The following ZNF567 variants were observed in gnomAD, a reference collection of about 807,000 sequenced individuals.
ZNF567 encodes zinc finger protein 567.
Under a neutral mutation model 53.9 loss-of-function variants are expected in ZNF567, and 36 were observed. That is an observed-to-expected ratio of 0.67 (90% CI 0.51 to 0.88). The LOEUF is 0.88. ZNF567 is among the 40% of genes least tolerant of loss of function. The pLI, the probability that ZNF567 is intolerant of heterozygous loss-of-function variation, is 0.00. For synonymous variants in ZNF567, 224 were observed against 260.4 expected (o/e 0.86, Z 1.35); for missense variants, 619 against 764.7 (o/e 0.81, Z 2.25).
At chr19:36,713,809 C>G (rs144960218) in intron 5 of ZNF567, among the ~76,000 whole-genome samples, 1,933 of 152,286 alleles carry the variant, frequency 0.013, 22 homozygotes, top group Non-Finnish European at 0.02. Flanking sequence ...GTGGCACATG[C>G]CTGTAATCCC....
chr19:36,692,719 TG>T (rs1440729025), intron 2 of ZNF567, among the ~76,000 whole-genome samples: 4 of 152,188 alleles, frequency 2.6e-5, no homozygotes, highest in African/African-American at 9.7e-5. Flanking sequence ...TTATGGAAGA[TG>T]TGACCATTGT....
chr19:36,686,401 C>T (rs1383911811), upstream of ZNF567: 1 of 152,186 alleles, frequency 6.6e-6, no homozygotes, highest in African/African-American at 2.4e-5. Flanking sequence ...ACCACACGAG[C>T]TCTCATCATC....
upstream of ZNF567, among the ~76,000 whole-genome samples, chr19:36,682,642 C>T (rs2145471522): frequency 1.4e-5 from 2 of 147,314 alleles, no homozygotes; most frequent in Middle Eastern, 7.5e-3. Context: ...GAGTCTCACT[C>T]TGCCGCCCAA....
At chr19:36,708,168 G>A (rs903345982) in intron 3 of ZNF567, among the ~76,000 whole-genome samples, 4 of 152,182 alleles carry the variant, frequency 2.6e-5, no homozygotes, top group African/African-American at 9.7e-5. Context: ...GGAATTACTG[G>A]CATGAGCCAC....
intron 3 of ZNF567, among the ~76,000 whole-genome samples, chr19:36,705,175 G>A (rs1352689924): frequency 1.3e-5 from 2 of 152,004 alleles, no homozygotes; most frequent in African/African-American, 4.8e-5. Context: ...ATTTCTTCTA[G>A]TATTTTTGTT....
At chr19:36,667,281 G>T in the ZNF567 span, among the ~76,000 whole-genome samples, 1 of 151,374 alleles carries the variant, frequency 6.6e-6, no homozygotes, top group Non-Finnish European at 1.5e-5. Context: ...GGTGGCTCAC[G>T]CCAAGGCGGG....
chr19:36,696,926 T>G (rs2038917924), intron 3 of ZNF567, among the ~76,000 whole-genome samples: 1 of 152,196 alleles, frequency 6.6e-6, no homozygotes, highest in African/African-American at 2.4e-5. Flanking sequence ...TCCGGAACTG[T>G]TTTTCTTCAT....
the ZNF567 span, among the ~76,000 whole-genome samples, chr19:36,679,354 A>G: frequency 1.3e-5 from 2 of 152,184 alleles, no homozygotes; most frequent in Non-Finnish European, 2.9e-5. Flanking sequence ...ACAAAGATGA[A>G]AGGTTAGTGT....
At chr19:36,717,785 A>G (rs762804228) in intron 5 of ZNF567, among the ~76,000 whole-genome samples, 7 of 152,250 alleles carry the variant, frequency 4.6e-5, no homozygotes, top group Non-Finnish European at 8.8e-5. Flanking sequence ...TGTTCAATCT[A>G]CCATTTGAAA....
At chr19:36,675,044 C>T in the ZNF567 span, among the ~76,000 whole-genome samples, 7 of 152,216 alleles carry the variant, frequency 4.6e-5, no homozygotes, top group Admixed American at 2.0e-4. Flanking sequence ...TGAGCCACTG[C>T]AGCCGGCCTA....
Position 36,715,478 on chromosome 19 carries a change from AAATAATAATAAT to A in ZNF567, c.223+2633_223+2644del, listed in dbSNP as rs200738092. ...GCCTGGCCTCCCATTATTTAACTCA[AAATAATAATAAT>A]AATAATAATAATAATAATAATTATT... On this transcript the variant is annotated intron_variant, in intron 5 of 5. Coordinates refer to ENST00000682579, the MANE Select transcript of ZNF567 (RefSeq NM_001322917.1). Among the ~76,000 whole-genome samples, 1,129 of 120,378 alleles carry A rather than the reference AAATAATAATAAT, an allele frequency of 9.4e-3. 11 individuals carry two copies. The highest frequency in any genetic ancestry group is 0.013 in the Non-Finnish European group (791 of 59,336). 79.0% of individuals were successfully genotyped at this position (120,378 alleles called of 152,430 possible). A position where few individuals can be genotyped will look rare whatever the true frequency, so the allele number is the denominator to read the frequency against.
chr19:36,711,072 T>TTGTGTG (rs34088180), intron 3 of ZNF567, among the ~76,000 whole-genome samples: 6 of 150,298 alleles, frequency 4.0e-5, no homozygotes, highest in East Asian at 2.0e-4. Flanking sequence ...CTCTCACTTT[T>TTGTGTG]TGTGTGTGTG....
chr19:36,689,236 A>T (rs915305813), intron 1 of ZNF567, among the ~76,000 whole-genome samples, 161 bp from the exon 2 acceptor site: 6 of 138,906 alleles, frequency 4.3e-5, no homozygotes, highest in African/African-American at 8.2e-5. Context: ...CCTATTTGAG[A>T]GTGTGTGTGT....
At chr19:36,723,686 T>C (rs2040321976), downstream of ZNF567, among the ~76,000 whole-genome samples, 1 of 151,778 alleles carries the variant, frequency 6.6e-6, no homozygotes, top group African/African-American at 2.4e-5. Flanking sequence ...ATACAAAAAT[T>C]AGCCAGGTGT....
chr19:36,695,402 G>A (rs999734900), intron 3 of ZNF567, among the ~76,000 whole-genome samples: 5 of 151,796 alleles, frequency 3.3e-5, no homozygotes, highest in Non-Finnish European at 5.9e-5. Flanking sequence ...GGTGGCAGGC[G>A]CCTGTAATCC....
intron 5 of ZNF567, among the ~76,000 whole-genome samples, chr19:36,716,199 T>C (rs2040058373): frequency 6.6e-6 from 1 of 152,186 alleles, no homozygotes; most frequent in African/African-American, 2.4e-5. Context: ...TTTTCAACTT[T>C]CTCTTGGAGA....
the ZNF567 span, among the ~76,000 whole-genome samples, chr19:36,678,987 A>G: frequency 6.6e-6 from 1 of 151,894 alleles, no homozygotes; most frequent in South Asian, 2.1e-4. Flanking sequence ...ATAAATGCAA[A>G]TTAAAGCCAC....
intron 5 of ZNF567, among the ~76,000 whole-genome samples, chr19:36,717,675 C>T (rs1398436432): frequency 1.3e-5 from 2 of 152,168 alleles, no homozygotes; most frequent in Non-Finnish European, 2.9e-5. Flanking sequence ...TTTAACATTG[C>T]TTCATCAGAT....
chr19:36,716,407 T>C (rs2040068156), intron 5 of ZNF567, among the ~76,000 whole-genome samples: 1 of 152,220 alleles, frequency 6.6e-6, no homozygotes, highest in Admixed American at 6.5e-5. Context: ...ATTCCTGTCC[T>C]AACTACTGAC....
Sources: gnomAD v4.1 joint callset for allele counts (sites outside exome capture counted in the v4.1 genomes callset) on GRCh38, gnomAD v4.1.1 for gene constraint, MANE v1.5 for transcripts, NCBI Gene and HGNC (gene_info 2026-07-23, HGNC 2026-07-21) for gene names.